Variants in STAB1 observed in about 807,000 individuals in gnomAD.
The protein encoded by STAB1 is stabilin 1.
Under a neutral mutation model 332.4 loss-of-function variants are expected in STAB1, and 250 were observed. The observed-to-expected ratio is 0.75, with a 90% CI of 0.68 to 0.84. The LOEUF is 0.84. Ranked by LOEUF, STAB1 falls within the 40% of genes least tolerant of loss-of-function variation. The probability of loss-of-function intolerance (pLI) is 0.00; values close to 1 mark genes in which losing one functional copy is unlikely to be tolerated. For missense variants in STAB1, 3,249 were observed against 3,489.7 expected (o/e 0.93, Z 1.74); for synonymous variants, 1,475 against 1,390.4 (o/e 1.06, Z -1.35).
chr3:52,499,116 G>T (rs1033753698), intron 1 of STAB1, among the ~76,000 whole-genome samples: 1 of 152,252 alleles, frequency 6.6e-6, no homozygotes, highest in Non-Finnish European at 1.5e-5. Flanking sequence ...TTGGACCACA[G>T]TGTGGTCAGC....
chr3:52,519,265 G>A lies in STAB1; in HGVS notation c.5036G>A (p.Gly1679Asp), dbSNP rs1399823943. The A allele has an allele frequency of 1.2e-5, 20 of 1,611,722 alleles. No individual in the cohort carries two copies. The highest frequency in any genetic ancestry group is 3.3e-5 in the South Asian group (3 of 91,034). Residue 1679 changes from glycine (G) to aspartate (D), a missense_variant and splice_region_variant, in exon 49 of 69, where the codon GGC (glycine) becomes GAC (aspartate). Coordinates refer to ENST00000321725, the MANE Select transcript of STAB1 (RefSeq NM_015136.3). ...ATCAGCCCCGTGCCCCGCCCCCAGG[G>A]CAGCATATACCTCAATGACTTCGCG... is the stretch of plus-strand genomic sequence containing the variant. ...GHPLRFSEREGSIYLNDFARV... is the reference protein window; with the variant it reads ...GHPLRFSEREDSIYLNDFARV...
chr3:52,514,758 C>T lies in STAB1; in HGVS notation c.3736C>T (p.Leu1246=). ...CATGCTGGAGGCCCCTGGCCGCTCG[C>T]TGATTGGTCTGTCGGGGGTCCTGAC... ...GPMLEAPGRS[L]IGLSGVLTVG... Residue 1246 remains leucine, a synonymous_variant, in exon 35 of 69, where the codon CTG becomes TTG. Transcript: ENST00000321725. 1 of 1,613,090 alleles carries T rather than the reference C, an allele frequency of 6.2e-7. No homozygotes were observed. Among genetic ancestry groups the T allele is most frequent in the South Asian group, 1.1e-5 (1 of 91,082 alleles).
Position 52,503,808 on chromosome 3 carries a change from A to C in STAB1, c.928A>C (p.Asn310His), listed in dbSNP as rs1708633065. ...CTGCCGGCCAGGCCTGGTCAGCATC[A>C]ACAGCAACGCTTCTGCGGGCTGCTT... ...CTCRPGLVSI[N>H]SNASAGCFAF... The change falls in exon 9 of 69, where the codon AAC becomes CAC. Residue 310 changes from asparagine (N) to histidine (H), a missense_variant. Transcript: ENST00000321725. The C allele has an allele frequency of 6.2e-7, 1 of 1,613,064 alleles. No homozygotes were observed.
chr3:52,501,428 CT>C, intron 2 of STAB1, 126 bp downstream of exon 2: 4 of 1,453,166 alleles, frequency 2.8e-6, no homozygotes, highest in Non-Finnish European at 3.7e-6. Flanking sequence ...GTGGCCCCAC[CT>C]GGGTGGTGGA....
Position 52,503,795 on chromosome 3 carries a change from C to G in STAB1, c.915C>G (p.Gly305=). 6.2e-7 allele frequency: 1 copy of G among 1,613,176 alleles called. No homozygotes were observed. Among genetic ancestry groups the G allele is most frequent in the Non-Finnish European group, 8.5e-7 (1 of 1,180,014 alleles). ...AGGCCTTCTGCACCTGCCGGCCAGG[C>G]CTGGTCAGCATCAACAGCAACGCTT... is the stretch of plus-strand genomic sequence containing the variant. ...PGQAFCTCRP[G]LVSINSNASA... is the part of the protein sequence containing the mutation. The change falls in exon 9 of 69, where the codon GGC becomes GGG. Residue 305 remains glycine, a synonymous_variant. Coordinates refer to ENST00000321725, the MANE Select transcript of STAB1 (RefSeq NM_015136.3).
At position 52,513,135 on chromosome 3, in the gene STAB1, A is replaced by G. The variant is rs1452975906; in HGVS notation, c.3164A>G (p.His1055Arg). 4.5e-6 allele frequency: 7 copies of G among 1,566,480 alleles called. No homozygotes were observed. ...PRTLPNLVRA[H>R]FLQGALFEEE... ...CCTAAACTGTGCCCTGTCAGGGCCC[A>G]TTTTCTCCAGGGTGCCCTCTTCGAG... is the stretch of plus-strand genomic sequence containing the variant. Residue 1055 changes from histidine (H) to arginine (R), a missense_variant, in exon 30 of 69, where the codon CAT (histidine) becomes CGT (arginine). Transcript: ENST00000321725.
At chr3:52,514,556 C>T (rs1347857462) in intron 34 of STAB1, 60 bp downstream of exon 34, 3 of 1,534,040 alleles carry the variant, frequency 2.0e-6, no homozygotes, top group African/African-American at 1.4e-5. Context: ...AAGATCCCTT[C>T]CCTTTGGAGT....
chr3:52,504,062 C>T lies in STAB1; in HGVS notation c.1057C>T (p.Arg353Cys), dbSNP rs1208060059. 1.3e-6 allele frequency: 2 copies of T among 1,588,832 alleles called. No individual in the cohort carries two copies. Among genetic ancestry groups the T allele is most frequent in the South Asian group, 2.3e-5 (2 of 88,488 alleles). The change falls in exon 10 of 69, where the codon CGT becomes TGT. Residue 353 changes from arginine (R) to cysteine (C), a missense_variant. By Grantham distance (180) the Arg-to-Cys change is radical (BLOSUM62 -3). Coordinates refer to ENST00000321725, the MANE Select transcript of STAB1 (RefSeq NM_015136.3). ...VCRESEVGDG[R>C]ACYGHLLHEV... ...CAGGGAAAGCGAGGTGGGGGATGGG[C>T]GTGCCTGCTACGGACACCTGCTCCA... is the stretch of plus-strand genomic sequence containing the variant.
At chr3:52,521,270 G>C (rs2079062928) in intron 55 of STAB1, 91 bp from the exon 56 acceptor site, 1 of 1,564,288 alleles carries the variant, frequency 6.4e-7, no homozygotes. Context: ...CATAGGTCAG[G>C]GACAGATGGC....
At position 52,506,704 on chromosome 3, in the gene STAB1, C is replaced by G; in HGVS notation, c.1843C>G (p.Leu615Val). The change falls in exon 18 of 69, where the codon CTG becomes GTG. Residue 615 changes from leucine to valine, a missense_variant. Physicochemically the swap from Leu to Val is conservative, Grantham distance 32. Coordinates refer to ENST00000321725, the MANE Select transcript of STAB1 (RefSeq NM_015136.3). ...VNISEEGRIL[L>V]GPEGVPLQRV... ...GTCTCTGCCGCAGGGGCGCATCCTG[C>G]TGGGACCCGAGGGGGTCCCGCTGCA... 6.2e-7 allele frequency: 1 copy of G among 1,611,150 alleles called. No homozygotes were observed. Among genetic ancestry groups the G allele is most frequent in the Non-Finnish European group, 8.5e-7 (1 of 1,179,064 alleles).
At chr3:52,521,555 T>A in intron 56 of STAB1, 41 bp from the exon 57 acceptor site, 1 of 1,613,606 alleles carries the variant, frequency 6.2e-7, no homozygotes, top group South Asian at 1.1e-5. Context: ...CTTTGGCCCT[T>A]GTGGGCCAAT....
Position 52,515,429 on chromosome 3 carries a change from C to T in STAB1, c.3871C>T (p.Pro1291Ser), listed in dbSNP as rs1487817357. The change falls in exon 37 of 69, where the codon CCC (proline) becomes TCC (serine). Residue 1291 changes from proline to serine, a missense_variant. Physicochemically the swap from Pro to Ser is moderately conservative, Grantham distance 74. Transcript: ENST00000321725. ...TGCCTGTCCCCGTTTCCAGGACACACCCAGGAAGAGCTGTGTCTACCGATC... is the reference window on the plus strand; with the variant it reads ...TGCCTGTCCCCGTTTCCAGGACACATCCAGGAAGAGCTGTGTCTACCGATC... ...CTQGFQLQDT[P>S]RKSCVYRSGF... 10 of 1,613,012 alleles carry T rather than the reference C, an allele frequency of 6.2e-6. No homozygotes were observed. The highest frequency in any genetic ancestry group is 3.3e-4 in the Middle Eastern group (2 of 6,082).
intron 1 of STAB1, among the ~76,000 whole-genome samples, chr3:52,499,893 C>T (rs1334070527): frequency 4.0e-4 from 13 of 32,422 alleles, no homozygotes; most frequent in Admixed American, 2.9e-3. Flanking sequence ...AGCGAGACTC[C>T]ATCTCAAAAA....
In STAB1 at chr3:52,495,441, C is replaced by G. The variant is rs779633970; in HGVS notation, c.28C>G (p.Leu10Val). The change falls in exon 1 of 69, where the codon CTC becomes GTC. Residue 10 changes from leucine to valine, a missense_variant. Coordinates refer to ENST00000321725, the MANE Select transcript of STAB1 (RefSeq NM_015136.3). MAGPRGLLP[L>V]CLLAFCLAGF... ...GGCGGGGCCCCGGGGCCTCCTCCCA[C>G]TCTGCCTCCTGGCCTTCTGCCTGGC... is the stretch of plus-strand genomic sequence containing the variant. 1.1e-5 allele frequency: 15 copies of G among 1,345,484 alleles called. No individual in the cohort carries two copies. Among genetic ancestry groups the G allele is most frequent in the Non-Finnish European group, 1.4e-5 (15 of 1,041,648 alleles). The allele number at this position is 1,345,484 out of a possible 1,614,324, so 83.3% of individuals were successfully genotyped here.
chr3:52,501,084 G>T, intron 1 of STAB1, 82 bp from the exon 2 acceptor site: 1 of 1,549,584 alleles, frequency 6.5e-7, no homozygotes, highest in East Asian at 2.3e-5. Flanking sequence ...CTGGAGGGGT[G>T]TGAGCCCTTG....
intron 50 of STAB1, 70 bp from the exon 51 acceptor site, chr3:52,519,874 C>T (rs2079014645): frequency 4.0e-6 from 6 of 1,492,602 alleles, no homozygotes; most frequent in Non-Finnish European, 5.3e-6. Context: ...CTCTGTGGCA[C>T]AGCCCCCTGC....
At chr3:52,502,959 C>A in intron 6 of STAB1, 40 bp from the exon 7 acceptor site, 1 of 1,486,406 alleles carries the variant, frequency 6.7e-7, no homozygotes, top group Admixed American at 2.2e-5. Context: ...CCTCCCCAGC[C>A]TGGGCTTGGG....
chr3:52,510,099 A>T, intron 23 of STAB1, 43 bp downstream of exon 23: 2 of 1,613,596 alleles, frequency 1.2e-6, no homozygotes. Flanking sequence ...GTGACCTTTC[A>T]TACCTGAGGC....
chr3:52,508,169 T>G (rs1709021681), intron 20 of STAB1, 104 bp from the exon 21 acceptor site: 1 of 1,367,200 alleles, frequency 7.3e-7, no homozygotes, highest in Non-Finnish European at 1.0e-6. Flanking sequence ...CAGAGAAACC[T>G]TATCCACTCC....
Sources: gnomAD v4.1 joint callset for allele counts (sites outside exome capture counted in the v4.1 genomes callset) on GRCh38, gnomAD v4.1.1 for gene constraint, MANE v1.5 for transcripts, NCBI Gene and HGNC (gene_info 2026-07-23, HGNC 2026-07-21) for gene names.